The following NFIC variants were observed in gnomAD, a reference collection of about 807,000 sequenced individuals.
NFIC encodes the protein nuclear factor 1 C-type.
Under a neutral mutation model 54.4 loss-of-function variants are expected in NFIC, and 12 were observed. That is an observed-to-expected ratio of 0.22 (90% confidence interval 0.14 to 0.36). The LOEUF is 0.36. Among genes scored for constraint, NFIC ranks in the 10% least tolerant of loss-of-function variants. The pLI is 1.00. For missense variants in NFIC, 575 were observed against 718.2 expected, an observed-to-expected ratio of 0.80 and a Z score of 2.28; for synonymous variants, 322 against 319.2, an observed-to-expected ratio of 1.01 and a Z score of -0.09.
intron 2 of NFIC, among the ~76,000 whole-genome samples, chr19:3,398,673 C>T (rs73919143): frequency 2.0e-5 from 3 of 152,138 alleles, no homozygotes; most frequent in Admixed American, 1.3e-4. Context: ...GTGGCTACGA[C>T]GCTCCCGTGC....
intron 6 of NFIC, among the ~76,000 whole-genome samples, chr19:3,444,960 C>T (rs1380037069): frequency 6.6e-6 from 1 of 152,238 alleles, no homozygotes; most frequent in Non-Finnish European, 1.5e-5. Context: ...CAGGCATACA[C>T]ATACATGCAT....
rs186204726 is a variant in NFIC, at chr19:3,422,147, G to C, written c.563-2959G>C. 5.3e-5 allele frequency among the ~76,000 whole-genome samples: 8 copies of C among 152,184 alleles called. No individual in the cohort carries two copies. The East Asian group carries it at 1.6e-3, about 30-fold the overall frequency. ...GATGGGGTTTCACCATGTTGATCAG[G>C]CTGGTCTCAAACTCCTGAGCTCAAA... On this transcript the variant is annotated intron_variant, in intron 2 of 10. Transcript: ENST00000443272.
intron 3 of NFIC, among the ~76,000 whole-genome samples, chr19:3,430,125 A>C (rs1316150166): frequency 6.6e-6 from 1 of 152,092 alleles, no homozygotes; most frequent in Non-Finnish European, 1.5e-5. Context: ...ATTTGACTTA[A>C]TGAGCTTTTA....
At chr19:3,397,351 G>A (rs1001402469) in intron 2 of NFIC, among the ~76,000 whole-genome samples, 9 of 152,236 alleles carry the variant, frequency 5.9e-5, no homozygotes, top group Non-Finnish European at 8.8e-5. Context: ...GCCCTGGAAC[G>A]TTCCGGATCC....
chr19:3,448,980 A>G, intron 6 of NFIC, 34 bp from the exon 7 acceptor site: 1 of 1,594,524 alleles, frequency 6.3e-7, no homozygotes, highest in Non-Finnish European at 8.6e-7. Context: ...GGGTGTGACC[A>G]GCCTGTGACT....
At chr19:3,432,035 G>A (rs1415961033) in intron 3 of NFIC, among the ~76,000 whole-genome samples, 1 of 152,136 alleles carries the variant, frequency 6.6e-6, no homozygotes, top group African/African-American at 2.4e-5. Flanking sequence ...ATCTCCTGCT[G>A]TGCCGGGGCC....
intron 2 of NFIC, among the ~76,000 whole-genome samples, chr19:3,399,009 G>A (rs2081511089): frequency 6.6e-6 from 1 of 152,268 alleles, no homozygotes; most frequent in African/African-American, 2.4e-5. Context: ...CAGCTGAGCG[G>A]AGGACCACGC....
At chr19:3,436,619 C>T (rs142557215) in intron 6 of NFIC, among the ~76,000 whole-genome samples, 9,718 of 151,886 alleles carry the variant, frequency 0.064, 335 homozygotes, top group Middle Eastern at 0.11. Flanking sequence ...GGATTACAGG[C>T]ACCCACCACC....
chr19:3,401,322 T>TG (rs1432641896), intron 2 of NFIC, among the ~76,000 whole-genome samples: 17 of 151,782 alleles, frequency 1.1e-4, no homozygotes, highest in South Asian at 4.2e-4. Context: ...GAGGACAGAC[T>TG]GTGGGGGGTG....
chr19:3,371,321 A>ACTTTTTT lies in NFIC; in HGVS notation c.30+4655_30+4656insCTTTTTT, dbSNP rs1555739022. The ACTTTTTT allele has an allele frequency of 6.4e-5, 8 of 124,532 alleles. 2 individuals are homozygous for ACTTTTTT. The highest frequency in any genetic ancestry group is 5.0e-5 in the Non-Finnish European group (3 of 59,612). The allele number at this position is 124,532 out of a possible 1,614,324, so 7.7% of individuals were successfully genotyped here. ...GCTGCAGATTCAGGGAGGCAGCACAATTTTTTTTTTTTTTTTTTTTTGAGG... is the reference window on the plus strand; with the variant it reads ...GCTGCAGATTCAGGGAGGCAGCACAACTTTTTTTTTTTTTTTTTTTTTTTTTTTGAGG... On this transcript the variant is annotated intron_variant, in intron 1 of 10. Coordinates refer to ENST00000443272, the MANE Select transcript of NFIC (RefSeq NM_001245002.2).
At chr19:3,443,922 C>T (rs1457434321) in intron 6 of NFIC, among the ~76,000 whole-genome samples, 1 of 152,214 alleles carries the variant, frequency 6.6e-6, no homozygotes, top group Non-Finnish European at 1.5e-5. Flanking sequence ...GATTCATGCC[C>T]TGCATCGGGG....
At chr19:3,435,675 C>T (rs763460303) in intron 6 of NFIC, among the ~76,000 whole-genome samples, 1 of 152,022 alleles carries the variant, frequency 6.6e-6, no homozygotes, top group Admixed American at 6.6e-5. Flanking sequence ...TAACCAGGTT[C>T]CCATCTCCAT....
At chr19:3,405,594 T>A (rs9749589) in intron 2 of NFIC, among the ~76,000 whole-genome samples, 25,073 of 151,818 alleles carry the variant, frequency 0.17, 2,297 homozygotes, top group African/African-American at 0.22. Context: ...TAATTTAATT[T>A]ATTTATTTAT....
chr19:3,435,156 C>T lies in NFIC; in HGVS notation c.907C>T (p.Pro303Ser). 6.2e-7 allele frequency: 1 copy of T among 1,605,174 alleles called. No individual in the cohort carries two copies. Among genetic ancestry groups the T allele is most frequent in the South Asian group, 1.1e-5 (1 of 89,280 alleles). The change falls in exon 6 of 11, where the codon CCC (proline) becomes TCC (serine). Residue 303 changes from proline to serine, a missense_variant. This residue lies in a region of NFIC where 447 missense variants were observed against 526.9 expected (regional missense o/e 0.85). Transcript: ENST00000443272. ...TSPGGDYYTS[P>S]SSPTSSSRNW... ...CCCTGGCGGCGATTACTACACTTCG[C>T]CCAGCTCGCCCACGAGTAGCAGCCG...
intron 10 of NFIC, among the ~76,000 whole-genome samples, chr19:3,462,408 T>TA (rs1328760924): frequency 1.3e-5 from 2 of 152,112 alleles, no homozygotes; most frequent in African/African-American, 4.8e-5. Context: ...AAATAAAATA[T>TA]AAAATACAGT....
intron 7 of NFIC, among the ~76,000 whole-genome samples, chr19:3,450,722 A>G (rs528978923): frequency 6.6e-6 from 1 of 152,214 alleles, no homozygotes; most frequent in Non-Finnish European, 1.5e-5. Context: ...AAGGGGGGTG[A>G]ATTGTAGGAA....
chr19:3,450,915 G>T (rs191697600), intron 7 of NFIC, among the ~76,000 whole-genome samples: 1 of 152,188 alleles, frequency 6.6e-6, no homozygotes, highest in African/African-American at 2.4e-5. Flanking sequence ...CCACGACCAC[G>T]TCTTTGTATA....
intron 2 of NFIC, among the ~76,000 whole-genome samples, chr19:3,384,405 T>G (rs2081260564): frequency 6.6e-6 from 1 of 151,656 alleles, no homozygotes; most frequent in South Asian, 2.1e-4. Flanking sequence ...TTTCTTTTTT[T>G]GGAGATGGAG....
intron 2 of NFIC, among the ~76,000 whole-genome samples, chr19:3,415,828 T>C (rs1326843920): frequency 6.6e-6 from 1 of 151,744 alleles, no homozygotes; most frequent in Admixed American, 6.6e-5. Flanking sequence ...GGTGGAAGGG[T>C]CTTGTCCACT....
Sources: gnomAD v4.1 joint callset for allele counts (sites outside exome capture counted in the v4.1 genomes callset) on GRCh38, gnomAD v4.1.1 for gene constraint, gnomAD v4.1.1 regional missense constraint, MANE v1.5 for transcripts, NCBI Gene and HGNC (gene_info 2026-07-23, HGNC 2026-07-21) for gene names.